Variants in XRCC2 observed in about 807,000 individuals in gnomAD.
The protein encoded by XRCC2 is X-ray repair cross complementing 2, also known as DNA repair protein XRCC2.
XRCC2 carries 24 observed loss-of-function variants against 27.3 expected under a neutral mutation model. That is an observed-to-expected ratio of 0.88 (90% CI 0.64 to 1.24). The LOEUF is 1.24. Ranked by LOEUF, XRCC2 falls within the 50% of genes most tolerant of loss-of-function variation. The pLI is 0.00. For missense variants in XRCC2, 321 were observed against 325.8 expected, an observed-to-expected ratio of 0.99 and a Z score of 0.11; for synonymous variants, 106 against 115.4, an observed-to-expected ratio of 0.92 and a Z score of 0.52.
rs556527877 is a variant in XRCC2, at chr7:152,657,186, A to G, written c.121+3515T>C. On this transcript the variant is annotated intron_variant, in intron 2 of 2. Transcript: ENST00000359321. ...AGGAGGAGGAGGTTGCAGTGAGCCG[A>G]GATCACACCACTTCACTCCATCCTG... Among the ~76,000 whole-genome samples, 47 of 146,084 alleles carry G rather than the reference A, an allele frequency of 3.2e-4. 1 individual carries two copies. Among genetic ancestry groups the G allele is most frequent in the South Asian group, 9.3e-4 (4 of 4,316 alleles).
intron 1 of XRCC2, among the ~76,000 whole-genome samples, chr7:152,665,273 T>C (rs1445692098): frequency 1.3e-5 from 2 of 152,158 alleles, no homozygotes; most frequent in Non-Finnish European, 2.9e-5. Context: ...AACTAAGGAC[T>C]GTGGACCCCA....
chr7:152,653,883 C>A (rs532783146), intron 2 of XRCC2, among the ~76,000 whole-genome samples: 1 of 152,088 alleles, frequency 6.6e-6, no homozygotes, highest in African/African-American at 2.4e-5. Flanking sequence ...AAATGTCCTA[C>A]AGCCACTAAA....
At chr7:152,675,308 A>T (rs1476841858) in intron 1 of XRCC2, among the ~76,000 whole-genome samples, 1 of 152,154 alleles carries the variant, frequency 6.6e-6, no homozygotes, top group Admixed American at 6.6e-5. Context: ...TGCATCTTCC[A>T]TGATGCCCGC....
rs1554410131 is a variant in XRCC2 at position 152,646,302 on chromosome 7, GT to G, written c.*2339del. On this transcript the variant is annotated 3_prime_UTR_variant, in exon 3 of 3. Transcript: ENST00000359321. ...CCACGTATTCTAAGTCTGTGAGAGG[GT>G]GTGTGTGTGTGTGTGTGTGTGTGTT... 1.3e-3 allele frequency: 2 copies of G among 1,530 alleles called. No homozygotes were observed. The highest frequency in any genetic ancestry group is 2.4e-3 in the Non-Finnish European group (1 of 414). 0.1% of individuals were successfully genotyped at this position (1,530 alleles called of 1,614,324 possible). A position where few individuals can be genotyped will look rare whatever the true frequency, so the allele number is the denominator to read the frequency against.
rs543877397 is a variant in XRCC2 at position 152,654,364 on chromosome 7, C to T, written c.122-5001G>A. Reference sequence around the variant, plus strand: ...CAAAACTAAATTTTTGAGATATATCCACAGTTAGAAGACGCATTAGAAGAC... The same window carrying T: ...CAAAACTAAATTTTTGAGATATATCTACAGTTAGAAGACGCATTAGAAGAC... On this transcript the variant is annotated intron_variant, in intron 2 of 2. Coordinates refer to ENST00000359321, the MANE Select transcript of XRCC2 (RefSeq NM_005431.2). Among the ~76,000 whole-genome samples, 7 of 152,086 alleles carry T rather than the reference C, an allele frequency of 4.6e-5. No homozygotes were observed. The East Asian group carries it at 1.4e-3, about 29-fold the overall frequency.
intron 1 of XRCC2, among the ~76,000 whole-genome samples, chr7:152,669,999 T>C (rs3218410): frequency 0.18 from 27,558 of 151,806 alleles, 2,685 homozygotes; most frequent in South Asian, 0.23. Flanking sequence ...CATGGGGCAT[T>C]GTGAGGGCAT....
At chr7:152,671,301 C>G (rs1488387574) in intron 1 of XRCC2, among the ~76,000 whole-genome samples, 2 of 152,178 alleles carry the variant, frequency 1.3e-5, no homozygotes, top group African/African-American at 4.8e-5. Context: ...AATACCTTCA[C>G]CTAGATCCAC....
rs1465793139 is a variant in XRCC2, at chr7:152,644,890, T to C, written c.*3752A>G. On this transcript the variant is annotated 3_prime_UTR_variant, in exon 3 of 3. Coordinates refer to ENST00000359321, the MANE Select transcript of XRCC2 (RefSeq NM_005431.2). ...AGTATTCCTACACGTGATGTTAACA[T>C]CGTTCTCAACAGTTAGCCGAAGATT... The C allele has an allele frequency of 6.6e-6, 1 of 152,254 alleles. No individual in the cohort carries two copies. The highest frequency in any genetic ancestry group is 2.4e-5 in the African/African-American group (1 of 41,468). 9.4% of individuals were successfully genotyped at this position (152,254 alleles called of 1,614,324 possible).
chr7:152,655,718 GA>G (rs1254481614), intron 2 of XRCC2, among the ~76,000 whole-genome samples: 2 of 151,516 alleles, frequency 1.3e-5, no homozygotes, highest in African/African-American at 4.9e-5. Context: ...GTCTCAAAAA[GA>G]AAAGTTTGGC....
At chr7:152,650,527 G>T (rs1459252896) in intron 2 of XRCC2, among the ~76,000 whole-genome samples, 2 of 152,108 alleles carry the variant, frequency 1.3e-5, no homozygotes, top group African/African-American at 4.8e-5. Flanking sequence ...TTAATTTACG[G>T]CTGAACTACC....
At chr7:152,657,347 T>G (rs1242619117) in intron 2 of XRCC2, among the ~76,000 whole-genome samples, 4 of 152,014 alleles carry the variant, frequency 2.6e-5, no homozygotes, top group African/African-American at 4.8e-5. Context: ...TTGCCCAGGC[T>G]GGAGTGCAGT....
At chr7:152,665,288 G>C (rs1379057102) in intron 1 of XRCC2, among the ~76,000 whole-genome samples, 1 of 152,048 alleles carries the variant, frequency 6.6e-6, no homozygotes, top group Non-Finnish European at 1.5e-5. Context: ...ACCCCAACCA[G>C]ACTTGCTGCC....
In XRCC2 at chr7:152,660,326, C is replaced by A. The variant is rs888617261; in HGVS notation, c.121+375G>T. Among the ~76,000 whole-genome samples, 4 of 152,162 alleles carry A rather than the reference C, an allele frequency of 2.6e-5. No homozygotes were observed. In the East Asian group the frequency reaches 5.8e-4, roughly 22 times the overall value. On this transcript the variant is annotated intron_variant, in intron 2 of 2. Coordinates refer to ENST00000359321, the MANE Select transcript of XRCC2 (RefSeq NM_005431.2). The stretch of plus-strand genomic sequence containing the variant: ...AAAAGAAAAAAAATCAACCTAAGCG[C>A]ACGCCCTTAGTAAGTTTTCCCTGTT...
At chr7:152,657,445 ACCCGCCATCATG>A in intron 2 of XRCC2, among the ~76,000 whole-genome samples, 1 of 151,640 alleles carries the variant, frequency 6.6e-6, no homozygotes, top group East Asian at 2.0e-4. Flanking sequence ...GATTACAGGC[ACCCGCCATCATG>A]CCCAGCTAAT....
chr7:152,663,791 A>G (rs536615592), intron 1 of XRCC2, among the ~76,000 whole-genome samples: 35 of 152,054 alleles, frequency 2.3e-4, no homozygotes, highest in African/African-American at 8.2e-4. Context: ...GTGAGTCAAG[A>G]TTATGCCACT....
intron 2 of XRCC2, among the ~76,000 whole-genome samples, chr7:152,650,629 G>A (rs1179333514): frequency 2.0e-5 from 3 of 152,190 alleles, no homozygotes; most frequent in African/African-American, 7.2e-5. Flanking sequence ...AGTGGCTCAC[G>A]CCTGTAATCC....
intron 1 of XRCC2, among the ~76,000 whole-genome samples, chr7:152,667,688 G>A (rs2098036508): frequency 6.6e-6 from 1 of 151,964 alleles, no homozygotes; most frequent in African/African-American, 2.4e-5. Flanking sequence ...AAATTTACAA[G>A]TAATGGATAA....
intron 1 of XRCC2, among the ~76,000 whole-genome samples, chr7:152,662,292 G>C (rs1400660199): frequency 6.6e-6 from 1 of 151,634 alleles, no homozygotes; most frequent in Non-Finnish European, 1.5e-5. Context: ...AGATCATCTT[G>C]GTGGTTACTA....
At chr7:152,669,709 C>T (rs907197378) in intron 1 of XRCC2, among the ~76,000 whole-genome samples, 5 of 151,824 alleles carry the variant, frequency 3.3e-5, no homozygotes, top group African/African-American at 4.8e-5. Context: ...GGCCACTTAC[C>T]GGTGAACATT....
Sources: allele counts gnomAD v4.1 joint callset (sites outside exome capture counted in the v4.1 genomes callset), GRCh38; gene constraint gnomAD v4.1.1; transcripts MANE v1.5; gene names NCBI Gene and HGNC (gene_info 2026-07-23, HGNC 2026-07-21).